POLK: variants seen among roughly 807,000 people sequenced by gnomAD.
POLK encodes the protein DNA polymerase kappa.
Under a neutral mutation model 94.0 loss-of-function variants are expected in POLK, and 76 were observed. The ratio of observed to expected loss-of-function variants is 0.81; its 90% CI spans 0.67 to 0.98. The LOEUF is 0.98. Ranked by LOEUF, POLK falls within the 50% of genes least tolerant of loss-of-function variation. The pLI is 0.00. For synonymous variants in POLK, 349 were observed against 325.4 expected, an observed-to-expected ratio of 1.07 and a Z score of -0.78; for missense variants, 954 against 1,010.1, an observed-to-expected ratio of 0.94 and a Z score of 0.75.
chr5:75,584,383 T>C (rs1204501912), intron 8 of POLK, among the ~76,000 whole-genome samples: 2 of 152,192 alleles, frequency 1.3e-5, no homozygotes, highest in African/African-American at 4.8e-5. Flanking sequence ...ATAGTCACAT[T>C]ATTCATACCT....
At chr5:75,568,693 A>T in intron 3 of POLK, 1 of 441,738 alleles carries the variant, frequency 2.3e-6, no homozygotes, top group Non-Finnish European at 4.5e-6. Flanking sequence ...ATCAAATTTT[A>T]ACATTATAAA....
At chr5:75,594,042 G>A (rs758348931) in exon 12 of POLK, 6 of 1,585,606 alleles carry the variant, frequency 3.8e-6, no homozygotes, top group Non-Finnish European at 5.1e-6. Flanking sequence ...TGAGATTAAG[G>A]CTTATGGGTA....
intron 11 of POLK, among the ~76,000 whole-genome samples, chr5:75,593,543 A>G (rs890702657): frequency 1.3e-5 from 2 of 152,182 alleles, no homozygotes; most frequent in African/African-American, 4.8e-5. Context: ...TCTAGAAGTT[A>G]GGAAGTCATA....
chr5:75,511,409 G>A (rs1468837871), upstream of POLK: 4 of 1,545,614 alleles, frequency 2.6e-6, no homozygotes. Flanking sequence ...GAAGGAGGAC[G>A]AGCGGTGAAG....
At chr5:75,583,961 G>A (rs1177819294) in intron 8 of POLK, among the ~76,000 whole-genome samples, 1 of 152,022 alleles carries the variant, frequency 6.6e-6, no homozygotes, top group Non-Finnish European at 1.5e-5. Flanking sequence ...TGTATATGAT[G>A]TTCTAGGACT....
chr5:75,511,648 C>A, upstream of POLK: 1 of 1,508,310 alleles, frequency 6.6e-7, no homozygotes, highest in Non-Finnish European at 8.9e-7. Flanking sequence ...CTCCCCTGTC[C>A]TTTCCCCTCC....
At chr5:75,532,688 A>AT (rs2112577545) in intron 1 of POLK, among the ~76,000 whole-genome samples, 1 of 152,334 alleles carries the variant, frequency 6.6e-6, no homozygotes, top group African/African-American at 2.4e-5. Context: ...GCCTGAACTA[A>AT]TTTACATTCC....
rs1769570107 is a variant in POLK at position 75,538,553 on chromosome 5, G to A, written c.-13-8457G>A. The A allele has an allele frequency of 2.0e-5, 3 of 152,230 alleles. No individual in the cohort carries two copies. In the East Asian group the frequency reaches 5.8e-4, roughly 29 times the overall value. 9.4% of individuals were successfully genotyped at this position (152,230 alleles called of 1,614,324 possible). A position where few individuals can be genotyped will look rare whatever the true frequency, so the allele number is the denominator to read the frequency against. On this transcript the variant is annotated intron_variant, in intron 1 of 14. Transcript: ENST00000241436. ...ACAAACCAAGTTATAGTATCTCAGA[G>A]GAGAGAGAGATATCATCTCATCAAT...
At chr5:75,513,478 A>G (rs1768169965) in intron 1 of POLK, among the ~76,000 whole-genome samples, 1 of 152,188 alleles carries the variant, frequency 6.6e-6, no homozygotes, top group Non-Finnish European at 1.5e-5. Flanking sequence ...AGAATATGTC[A>G]GATCTCATAA....
intron 3 of POLK, among the ~76,000 whole-genome samples, chr5:75,555,487 G>T (rs895588177): frequency 4.0e-5 from 6 of 151,746 alleles, no homozygotes; most frequent in Non-Finnish European, 8.8e-5. Context: ...TCTTTTCATG[G>T]CTTAATAGTT....
upstream of POLK, chr5:75,511,413 G>A (rs954080654): frequency 1.9e-6 from 3 of 1,545,296 alleles, no homozygotes; most frequent in African/African-American, 2.7e-5. Context: ...GAGGACGAGC[G>A]GTGAAGGAAG....
intron 1 of POLK, among the ~76,000 whole-genome samples, chr5:75,544,641 CTGAATGAATGAA>C (rs61178645): frequency 2.6e-5 from 4 of 151,592 alleles, no homozygotes; most frequent in South Asian, 2.1e-4. Flanking sequence ...GACTTTGTCT[CTGAATGAATGAA>C]TGAATGAATG....
intron 1 of POLK, among the ~76,000 whole-genome samples, chr5:75,529,061 G>A (rs1769014301): frequency 6.6e-6 from 1 of 152,104 alleles, no homozygotes; most frequent in South Asian, 2.1e-4. Context: ...ACCTAATTGT[G>A]TTAGTCCATT....
At chr5:75,584,669 C>T in intron 8 of POLK, 91 bp from the exon 9 acceptor site, 2 of 751,418 alleles carry the variant, frequency 2.7e-6, no homozygotes, top group Non-Finnish European at 4.1e-6. Context: ...GAGACTCCAT[C>T]TCAAAAAAAA....
intron 1 of POLK, among the ~76,000 whole-genome samples, chr5:75,535,423 G>A (rs5744567): frequency 0.077 from 11,695 of 152,106 alleles, 540 homozygotes; most frequent in South Asian, 0.17. Flanking sequence ...TGATGACTAT[G>A]TGCCTTTGGG....
At chr5:75,563,099 T>C (rs1358425773) in intron 3 of POLK, among the ~76,000 whole-genome samples, 1 of 152,182 alleles carries the variant, frequency 6.6e-6, no homozygotes, top group Admixed American at 6.5e-5. Context: ...CCAGCTCCTC[T>C]TTGTACCTCT....
At chr5:75,566,954 A>G (rs1278145002) in intron 3 of POLK, among the ~76,000 whole-genome samples, 2 of 152,242 alleles carry the variant, frequency 1.3e-5, no homozygotes, top group African/African-American at 4.8e-5. Flanking sequence ...TGGGGATTTC[A>G]GTTGAAGAAA....
At chr5:75,546,583 GATGC>G (rs1770032802) in intron 1 of POLK, among the ~76,000 whole-genome samples, 1 of 151,568 alleles carries the variant, frequency 6.6e-6, no homozygotes, top group Admixed American at 6.6e-5. Flanking sequence ...CTTTTTTATT[GATGC>G]ATAACGGATG....
intron 1 of POLK, among the ~76,000 whole-genome samples, chr5:75,537,121 C>A (rs1208949289): frequency 6.6e-6 from 1 of 152,230 alleles, no homozygotes; most frequent in Non-Finnish European, 1.5e-5. Context: ...GTGGAGAAAT[C>A]TTACTGCTTT....
Sources: allele counts gnomAD v4.1 joint callset (sites outside exome capture counted in the v4.1 genomes callset), GRCh38; gene constraint gnomAD v4.1.1; transcripts MANE v1.5; gene names NCBI Gene and HGNC (gene_info 2026-07-23, HGNC 2026-07-21).